The following SSUH2 variants were observed in gnomAD, a reference collection of about 807,000 sequenced individuals.
The protein encoded by SSUH2 is ssu-2 homolog.
SSUH2 carries 47 observed loss-of-function variants against 55.3 expected under a neutral mutation model. The ratio of observed to expected loss-of-function variants is 0.85; its 90% CI spans 0.67 to 1.08. SSUH2 has a LOEUF of 1.08. Among genes scored for constraint, SSUH2 ranks in the 50% least tolerant of loss-of-function variants. The pLI is 0.00. For synonymous variants in SSUH2, 212 were observed against 191.5 expected (o/e 1.11, Z -0.89); for missense variants, 535 against 490.7 (o/e 1.09, Z -0.85).
chr3:8,620,720 T>C (rs78389038), intron 11 of SSUH2, among the ~76,000 whole-genome samples: 10,192 of 152,128 alleles, frequency 0.067, 871 homozygotes, highest in African/African-American at 0.19. Context: ...GAAGCATTAA[T>C]TTTTAGATGG....
intron 3 of SSUH2, among the ~76,000 whole-genome samples, chr3:8,673,989 T>C (rs909807417): frequency 2.0e-5 from 3 of 152,220 alleles, no homozygotes; most frequent in African/African-American, 4.8e-5. Context: ...ATGATTCACA[T>C]GGCTTTAGTC....
chr3:8,646,720 G>A (rs1043489882), upstream of SSUH2, among the ~76,000 whole-genome samples: 41 of 152,198 alleles, frequency 2.7e-4, no homozygotes, highest in Admixed American at 2.2e-3. Context: ...CCTAACATCC[G>A]TGGTAGCAGC....
chr3:8,670,558 G>A (rs1704452057), intron 5 of SSUH2, among the ~76,000 whole-genome samples: 1 of 151,806 alleles, frequency 6.6e-6, no homozygotes, highest in South Asian at 2.1e-4. Flanking sequence ...ATACACCCCC[G>A]GTGACAATAA....
intron 1 of SSUH2, among the ~76,000 whole-genome samples, chr3:8,637,932 C>A (rs953510010): frequency 6.6e-6 from 1 of 152,148 alleles, no homozygotes; most frequent in Non-Finnish European, 1.5e-5. Flanking sequence ...AAATAATATA[C>A]CCTGTCCCTT....
At position 8,631,600 on chromosome 3, in the gene SSUH2, C is replaced by G. The variant is rs138796165; in HGVS notation, c.400+449G>C. Among the ~76,000 whole-genome samples, 770 of 152,136 alleles carry G rather than the reference C, an allele frequency of 5.1e-3. 7 individuals carry two copies. Among genetic ancestry groups the G allele is most frequent in the African/African-American group, 0.018 (728 of 41,496 alleles). ...GACCTGAGCGGTCTGTTAGGGAAAACAAGGAGGACATAGATCTTCCCAAAG... is the reference window on the plus strand; with the variant it reads ...GACCTGAGCGGTCTGTTAGGGAAAAGAAGGAGGACATAGATCTTCCCAAAG... On this transcript the variant is annotated intron_variant, in intron 5 of 11. Coordinates refer to ENST00000544814, the MANE Select transcript of SSUH2 (RefSeq NM_001256748.3).
At chr3:8,651,027 C>T (rs1352036327) in intron 7 of SSUH2, among the ~76,000 whole-genome samples, 3 of 152,250 alleles carry the variant, frequency 2.0e-5, no homozygotes, top group Non-Finnish European at 4.4e-5. Context: ...GGCTGCCTGC[C>T]AGCAATTGCA....
chr3:8,668,041 T>G (rs1704150284), intron 5 of SSUH2, among the ~76,000 whole-genome samples: 1 of 152,072 alleles, frequency 6.6e-6, no homozygotes, highest in Non-Finnish European at 1.5e-5. Flanking sequence ...TTTTCAATTT[T>G]TAAAAAAAAT....
intron 3 of SSUH2, chr3:8,634,088 G>A (rs1437488193): frequency 7.1e-6 from 6 of 839,760 alleles, no homozygotes; most frequent in Non-Finnish European, 1.1e-5. Flanking sequence ...ACCTTAGAGA[G>A]GAATTGTACC....
At chr3:8,666,964 G>A (rs1704049456) in intron 5 of SSUH2, among the ~76,000 whole-genome samples, 1 of 152,228 alleles carries the variant, frequency 6.6e-6, no homozygotes, top group African/African-American at 2.4e-5. Context: ...AGGGTGCAGA[G>A]CTTCCATGCC....
At chr3:8,668,181 A>G (rs1324372645) in intron 5 of SSUH2, among the ~76,000 whole-genome samples, 1 of 152,124 alleles carries the variant, frequency 6.6e-6, no homozygotes, top group Non-Finnish European at 1.5e-5. Flanking sequence ...CCACAAACAC[A>G]ACCACTGTGG....
intron 5 of SSUH2, among the ~76,000 whole-genome samples, chr3:8,668,494 T>C (rs1049066773): frequency 6.7e-6 from 1 of 150,174 alleles, no homozygotes; most frequent in African/African-American, 2.4e-5. Flanking sequence ...TTATTTCTCT[T>C]TTTTTTCCTC....
chr3:8,647,298 G>A (rs1416441388), upstream of SSUH2, among the ~76,000 whole-genome samples: 1 of 152,246 alleles, frequency 6.6e-6, no homozygotes, highest in Admixed American at 6.5e-5. Context: ...GAGCTGGTCC[G>A]GAATGGAGGT....
At chr3:8,673,614 C>T (rs1704871895) in intron 3 of SSUH2, among the ~76,000 whole-genome samples, 1 of 152,196 alleles carries the variant, frequency 6.6e-6, no homozygotes, top group Non-Finnish European at 1.5e-5. Context: ...CCATCGGTTG[C>T]TCATGTTCCT....
intron 3 of SSUH2, among the ~76,000 whole-genome samples, chr3:8,672,929 T>C (rs536175338): frequency 6.6e-6 from 1 of 152,228 alleles, no homozygotes; most frequent in East Asian, 1.9e-4. Flanking sequence ...TTGAACGTAA[T>C]ATCATGCTCT....
At chr3:8,666,569 T>G (rs1704011599) in intron 5 of SSUH2, among the ~76,000 whole-genome samples, 1 of 152,050 alleles carries the variant, frequency 6.6e-6, no homozygotes, top group Non-Finnish European at 1.5e-5. Context: ...CAAACCATGT[T>G]TTTCCTCTGC....
intron 5 of SSUH2, among the ~76,000 whole-genome samples, chr3:8,665,928 G>T (rs1210350378): frequency 6.6e-6 from 1 of 152,054 alleles, no homozygotes; most frequent in Non-Finnish European, 1.5e-5. Context: ...TGATAAAAAT[G>T]AGAAATGATG....
chr3:8,680,851 G>A (rs1392812997), intron 1 of SSUH2, among the ~76,000 whole-genome samples: 1 of 152,076 alleles, frequency 6.6e-6, no homozygotes, highest in Non-Finnish European at 1.5e-5. Flanking sequence ...ATTATGGGGA[G>A]CCGTATCTGT....
rs2125109768 is a variant in SSUH2, at chr3:8,625,759, C to T, written c.768-112G>A. On this transcript the variant is annotated intron_variant, in intron 9 of 11. Transcript: ENST00000544814. ...GGGCTTGAATTGCTACTGGAGGGAC[C>T]TTGCAACAGTTCTGTAGCCTCTCTG... is the stretch of plus-strand genomic sequence containing the variant. 4 of 695,954 alleles carry T rather than the reference C, an allele frequency of 5.7e-6. No homozygotes were observed. The East Asian group carries it at 7.8e-5, about 14-fold the overall frequency. The allele number at this position is 695,954 out of a possible 1,614,324, so 43.1% of individuals were successfully genotyped here.
At chr3:8,649,577 G>C (rs1302400557), upstream of SSUH2, among the ~76,000 whole-genome samples, 1 of 151,854 alleles carries the variant, frequency 6.6e-6, no homozygotes, top group African/African-American at 2.4e-5. Context: ...AGCTCTCTCT[G>C]TGTGTTCAGC....
Sources: allele counts gnomAD v4.1 joint callset (sites outside exome capture counted in the v4.1 genomes callset), GRCh38; gene constraint gnomAD v4.1.1; transcripts MANE v1.5; gene names NCBI Gene and HGNC (gene_info 2026-07-23, HGNC 2026-07-21).